The following AMPD3 variants were observed in gnomAD, a reference collection of about 807,000 sequenced individuals.
The protein encoded by AMPD3 is adenosine monophosphate deaminase 3, also known as AMP deaminase 3.
Under a neutral mutation model 82.3 loss-of-function variants are expected in AMPD3, and 57 were observed. The observed-to-expected ratio is 0.69, with a 90% confidence interval of 0.56 to 0.86. The LOEUF (loss-of-function observed/expected upper bound fraction) is 0.86. AMPD3 is among the 40% of genes least tolerant of loss of function. The pLI, the probability that AMPD3 is intolerant of heterozygous loss-of-function variation, is 0.00. For missense variants in AMPD3, 870 were observed against 1,003.8 expected (o/e 0.87, Z 1.80); for synonymous variants, 381 against 394.7 (o/e 0.97, Z 0.41).
At chr11:10,463,713 G>T (rs977637042) in intron 2 of AMPD3, among the ~76,000 whole-genome samples, 5 of 152,218 alleles carry the variant, frequency 3.3e-5, no homozygotes, top group African/African-American at 9.6e-5. Context: ...GGGCAAAATG[G>T]AAGCTTTCTT....
intron 13 of AMPD3, 21 bp downstream of exon 13, chr11:10,502,915 A>T (rs749450502): frequency 6.2e-7 from 1 of 1,612,818 alleles, no homozygotes; most frequent in Non-Finnish European, 8.5e-7. Context: ...TGGGGTGAGG[A>T]CAGTAGTGCT....
chr11:10,450,880 C>A (rs550242052), upstream of AMPD3: 43 of 1,226,368 alleles, frequency 3.5e-5, no homozygotes, highest in African/African-American at 4.7e-4. Context: ...GCCCTCTGAA[C>A]GCCCGGCCCC....
Position 10,474,540 on chromosome 11 carries a change from G to A in AMPD3, c.222-3986G>A, listed in dbSNP as rs892835981. ...GAGTAAGGGAGGGGACTTAGTGACT[G>A]TCAGGGGCAACCAAGGGCCATAGAG... On this transcript the variant is annotated intron_variant, in intron 2 of 14. Transcript: ENST00000396553. 3.3e-5 allele frequency among the ~76,000 whole-genome samples: 5 copies of A among 152,348 alleles called. No individual in the cohort carries two copies. The South Asian group carries it at 1.0e-3, about 32-fold the overall frequency.
chr11:10,465,865 G>A (rs770167783), intron 2 of AMPD3, among the ~76,000 whole-genome samples: 159 of 147,002 alleles, frequency 1.1e-3, no homozygotes, highest in Non-Finnish European at 1.8e-3. Flanking sequence ...CGCCTGGAGC[G>A]CCAGCAAGAC....
intron 1 of AMPD3, among the ~76,000 whole-genome samples, chr11:10,460,104 A>T (rs1848223822): frequency 6.8e-6 from 1 of 146,076 alleles, no homozygotes; most frequent in South Asian, 2.1e-4. Flanking sequence ...TATATATTTT[A>T]TTTTTAAAAT....
At chr11:10,478,805 C>T (rs1025162777) in intron 3 of AMPD3, 75 bp downstream of exon 3, 2 of 1,491,436 alleles carry the variant, frequency 1.3e-6, no homozygotes, top group African/African-American at 2.8e-5. Flanking sequence ...AGGGTCGTGC[C>T]TCCCTCTGGA....
At chr11:10,474,642 T>C (rs1848686670) in intron 2 of AMPD3, among the ~76,000 whole-genome samples, 1 of 152,206 alleles carries the variant, frequency 6.6e-6, no homozygotes, top group South Asian at 2.1e-4. Context: ...ACTCTTTGTC[T>C]TGTGGGCCTG....
chr11:10,476,941 G>A (rs954100348), intron 2 of AMPD3: 3 of 985,344 alleles, frequency 3.0e-6, no homozygotes, highest in Admixed American at 1.2e-4. Context: ...CCAGGGGCAA[G>A]GGGAAGGTAA....
upstream of AMPD3, among the ~76,000 whole-genome samples, chr11:10,453,397 G>A (rs573334547): frequency 1.4e-4 from 22 of 152,242 alleles, no homozygotes; most frequent in Admixed American, 5.2e-4. Flanking sequence ...CCATATTTCA[G>A]GTATGGGGAT....
chr11:10,487,141 C>G, intron 5 of AMPD3, 94 bp from the exon 6 acceptor site: 1 of 1,597,754 alleles, frequency 6.3e-7, no homozygotes, highest in Non-Finnish European at 8.6e-7. Flanking sequence ...CCTGACCCTT[C>G]CAGCCAGGGT....
intron 1 of AMPD3, chr11:10,461,078 T>C: frequency 8.5e-7 from 1 of 1,180,186 alleles, no homozygotes; most frequent in Non-Finnish European, 1.1e-6. Flanking sequence ...CCTTAGCTGT[T>C]AAAGCCTCTG....
intron 11 of AMPD3, chr11:10,501,120 A>G (rs1231004728): frequency 7.1e-6 from 7 of 985,112 alleles, no homozygotes; most frequent in Non-Finnish European, 7.2e-6. Flanking sequence ...TTTCCATAAC[A>G]CAGAGGTCAG....
chr11:10,461,370 C>CATGCTGGG (rs1374415873), intron 1 of AMPD3, 145 bp from the exon 2 acceptor site: 1 of 1,594,970 alleles, frequency 6.3e-7, no homozygotes, highest in African/African-American at 1.3e-5. Flanking sequence ...TTGAAATTGG[C>CATGCTGGG]ATGCTGGGTT....
At chr11:10,499,381 T>C (rs1849513245) in intron 10 of AMPD3, 2 of 152,814 alleles carry the variant, frequency 1.3e-5, no homozygotes, top group African/African-American at 4.8e-5. Context: ...GCCCAGCTAA[T>C]TTTTGTATTT....
intron 6 of AMPD3, among the ~76,000 whole-genome samples, chr11:10,488,890 C>T (rs1028519528): frequency 6.6e-6 from 1 of 152,128 alleles, no homozygotes; most frequent in Non-Finnish European, 1.5e-5. Flanking sequence ...CTCCCTGACC[C>T]CCTGGCTGGG....
chr11:10,503,125 A>G (rs555225480), intron 13 of AMPD3, among the ~76,000 whole-genome samples: 1 of 152,178 alleles, frequency 6.6e-6, no homozygotes, highest in East Asian at 1.9e-4. Flanking sequence ...GCCTTCCTCT[A>G]TTTTCTCTTT....
intron 12 of AMPD3, chr11:10,502,325 T>C (rs1021352668): frequency 9.1e-6 from 9 of 985,460 alleles, no homozygotes; most frequent in Non-Finnish European, 1.1e-5. Context: ...AGTCTCAACC[T>C]GGCTGTTTGC....
chr11:10,505,601 C>T lies in AMPD3; in HGVS notation c.2128-107C>T, dbSNP rs1004116447. 10 of 1,541,326 alleles carry T rather than the reference C, an allele frequency of 6.5e-6. No individual in the cohort carries two copies. The African/African-American group carries it at 1.4e-4, about 21-fold the overall frequency. ...AGATGTCCTGACCAAAGATCTGCTT[C>T]AGGGGGACTAGTCTGACTTGCTGTG... On this transcript the variant is annotated intron_variant, in intron 14 of 14. Transcript: ENST00000396553.
chr11:10,499,178 C>G (rs1428919723), intron 10 of AMPD3: 1 of 152,542 alleles, frequency 6.6e-6, no homozygotes, highest in Non-Finnish European at 1.5e-5. Flanking sequence ...TACCTACCGC[C>G]CCAAAGAGTG....
Sources: gnomAD v4.1 joint callset for allele counts (sites outside exome capture counted in the v4.1 genomes callset) on GRCh38, gnomAD v4.1.1 for gene constraint, MANE v1.5 for transcripts, NCBI Gene and HGNC (gene_info 2026-07-23, HGNC 2026-07-21) for gene names.